COA1: variants seen among roughly 807,000 people sequenced by gnomAD.
COA1 encodes the protein cytochrome c oxidase assembly factor 1 homolog.
A neutral mutation model predicts 16.0 loss-of-function variants in COA1; 13 were observed. The observed-to-expected ratio is 0.81, with a 90% CI of 0.53 to 1.29. The LOEUF (loss-of-function observed/expected upper bound fraction) is 1.29, where lower values mean the gene tolerates loss of function less well. Ranked by LOEUF, COA1 falls within the 50% of genes most tolerant of loss-of-function variation. The probability of loss-of-function intolerance (pLI) is 0.00; values close to 1 mark genes in which losing one functional copy is unlikely to be tolerated. For synonymous variants in COA1, 65 were observed against 65.7 expected, an observed-to-expected ratio of 0.99 and a Z score of 0.05; for missense variants, 179 against 177.0, an observed-to-expected ratio of 1.01 and a Z score of -0.06.
chr7:43,698,130 A>G (rs1223620690), intron 1 of COA1, among the ~76,000 whole-genome samples: 1 of 152,256 alleles, frequency 6.6e-6, no homozygotes, highest in Non-Finnish European at 1.5e-5. Flanking sequence ...CAGAAACATT[A>G]AAGCATAACC....
intron 1 of COA1, among the ~76,000 whole-genome samples, chr7:43,715,037 A>C (rs1436005573): frequency 6.8e-6 from 1 of 147,886 alleles, no homozygotes; most frequent in Non-Finnish European, 1.5e-5. Context: ...AAAAAAGGAA[A>C]CATTTAATAC....
chr7:43,679,508 A>G lies in COA1; in HGVS notation c.-38-30856T>C, dbSNP rs73314278. Among the ~76,000 whole-genome samples the G allele has an allele frequency of 9.1e-3, 1,388 of 152,168 alleles. 19 individuals are homozygous for G. Among genetic ancestry groups the G allele is most frequent in the African/African-American group, 0.031 (1,303 of 41,514 alleles). ...TCTAATCTGAGATTCTCCTCACAAT[A>G]AACTGGAATCCTAAAGGGGCACATC... On this transcript the variant is annotated intron_variant, in intron 1 of 5. Transcript: ENST00000223336.
intron 6 of COA1, among the ~76,000 whole-genome samples, chr7:43,619,143 T>C (rs1425103679): frequency 6.6e-6 from 1 of 152,112 alleles, no homozygotes; most frequent in Non-Finnish European, 1.5e-5. Context: ...CAGACGGGAT[T>C]TGGTGGGTCT....
chr7:43,658,245 G>A (rs999095701), intron 1 of COA1, among the ~76,000 whole-genome samples: 2 of 151,616 alleles, frequency 1.3e-5, no homozygotes, highest in African/African-American at 4.9e-5. Flanking sequence ...GCATGGTGGC[G>A]GGCACCGGGA....
At chr7:43,664,358 C>T (rs2092736271) in intron 1 of COA1, among the ~76,000 whole-genome samples, 1 of 152,096 alleles carries the variant, frequency 6.6e-6, no homozygotes, top group East Asian at 1.9e-4. Flanking sequence ...CTTTTTTAGG[C>T]TAAATAATAC....
chr7:43,729,048 A>G (rs936759485), intron 1 of COA1, among the ~76,000 whole-genome samples: 2 of 152,242 alleles, frequency 1.3e-5, no homozygotes, highest in African/African-American at 4.8e-5. Flanking sequence ...CTTTCCTACA[A>G]TAATTTGGGC....
rs1311991240 is a variant in COA1 at position 43,612,024 on chromosome 7, A to G, written c.*134-2529T>C. On this transcript the variant is annotated intron_variant and NMD_transcript_variant, in intron 6 of 6. Coordinates refer to the COA1 transcript ENST00000415076. ...TCTTGAATACCAACTTTAAGTGTGT[A>G]TTTACACAAGGAAATTATATCCCTT... Among the ~76,000 whole-genome samples the G allele has an allele frequency of 2.0e-5, 3 of 152,226 alleles. No homozygotes were observed. The East Asian group carries it at 5.8e-4, about 29-fold the overall frequency.
chr7:43,663,666 C>CAAA (rs759423078), intron 1 of COA1, among the ~76,000 whole-genome samples: 129 of 70,434 alleles, frequency 1.8e-3, no homozygotes, highest in East Asian at 5.2e-3. Context: ...GACCCTATCT[C>CAAA]AAAAAAAAAA....
Position 43,648,713 on chromosome 7 carries a change from T to G in COA1, c.-38-61A>C. On this transcript the variant is annotated intron_variant, in intron 1 of 5. Coordinates refer to ENST00000223336, the MANE Select transcript of COA1 (RefSeq NM_018224.4). ...TTTTAAAGCCCAGTTCTCTCTAGTC[T>G]CATACAGCCAAGATTTATTACCAAC... 1.6e-6 allele frequency: 2 copies of G among 1,229,900 alleles called. 1 individual carries two copies. Among genetic ancestry groups the G allele is most frequent in the Non-Finnish European group, 2.3e-6 (2 of 856,586 alleles). The allele number at this position is 1,229,900 out of a possible 1,614,324, so 76.2% of individuals were successfully genotyped here.
chr7:43,635,141 C>T (rs767454584), downstream of COA1, among the ~76,000 whole-genome samples: 3 of 152,056 alleles, frequency 2.0e-5, no homozygotes, highest in African/African-American at 2.4e-5. Context: ...ATAAATATAA[C>T]TTTTATATAA....
chr7:43,691,268 A>AGAAAAGAAAAG (rs2094284644), intron 1 of COA1, among the ~76,000 whole-genome samples: 1 of 27,354 alleles, frequency 3.7e-5, no homozygotes, highest in Non-Finnish European at 7.1e-5. Flanking sequence ...AAGAAAGAAA[A>AGAAAAGAAAAG]GAAAGAAAGA....
In COA1 at chr7:43,693,782, C is replaced by A. The variant is rs184892091; in HGVS notation, c.-39+35647G>T. On this transcript the variant is annotated intron_variant, in intron 1 of 5. Transcript: ENST00000223336. Reference sequence around the variant, plus strand: ...CCAGGAACCCCAATCCTGGATAAATCCTACTCTCTACCTAATCCGAACAAG... The same window carrying A: ...CCAGGAACCCCAATCCTGGATAAATACTACTCTCTACCTAATCCGAACAAG... Among the ~76,000 whole-genome samples the A allele has an allele frequency of 5.9e-5, 9 of 152,152 alleles. No homozygotes were observed. In the East Asian group the frequency reaches 1.7e-3, roughly 29 times the overall value.
chr7:43,610,903 G>A (rs1007867018), intron 6 of COA1, among the ~76,000 whole-genome samples: 1 of 152,120 alleles, frequency 6.6e-6, no homozygotes, highest in Non-Finnish European at 1.5e-5. Context: ...GATCGCTTGA[G>A]GTCAGGAGTT....
chr7:43,637,299 G>A (rs1158501835), downstream of COA1, among the ~76,000 whole-genome samples: 2 of 152,192 alleles, frequency 1.3e-5, no homozygotes, highest in African/African-American at 2.4e-5. Context: ...AGGAACTTGT[G>A]GGTGGAGGCC....
At position 43,686,302 on chromosome 7, in the gene COA1, TTTC is replaced by T. The variant is rs546894416; in HGVS notation, c.-38-37653_-38-37651del. Among the ~76,000 whole-genome samples, 267 of 145,160 alleles carry T rather than the reference TTTC, an allele frequency of 1.8e-3. 1 individual carries two copies. Among genetic ancestry groups the T allele is most frequent in the African/African-American group, 6.3e-3 (252 of 40,024 alleles). On this transcript the variant is annotated intron_variant, in intron 1 of 5. Transcript: ENST00000223336. ...GTTCTGGCTATGTGTTCTGGCTTTG[TTTC>T]TTTTTTTTTTTTTTTTTTTGAGACG...
intron 1 of COA1, among the ~76,000 whole-genome samples, chr7:43,710,375 A>AAAATATAT (rs761592421): frequency 1.1e-4 from 4 of 36,446 alleles, no homozygotes; most frequent in Non-Finnish European, 1.9e-4. Context: ...AAAAAAAAAA[A>AAAATATAT]ATATATATAT....
chr7:43,653,790 C>T (rs370086198), intron 1 of COA1, among the ~76,000 whole-genome samples: 23 of 152,002 alleles, frequency 1.5e-4, no homozygotes, highest in African/African-American at 5.1e-4. Context: ...GCTACTCATC[C>T]CATGAAGACC....
intron 6 of COA1, among the ~76,000 whole-genome samples, chr7:43,610,823 A>AAGG (rs1415531578): frequency 6.6e-6 from 1 of 151,026 alleles, no homozygotes; most frequent in Non-Finnish European, 1.5e-5. Flanking sequence ...CACTCTCAAG[A>AAGG]AGGAGTGTAC....
At chr7:43,728,292 T>G (rs1175936572) in intron 1 of COA1, among the ~76,000 whole-genome samples, 1 of 152,214 alleles carries the variant, frequency 6.6e-6, no homozygotes, top group Admixed American at 6.5e-5. Context: ...AACTCTACGG[T>G]AGGTGAACTA....
Sources: gnomAD v4.1 joint callset for allele counts (sites outside exome capture counted in the v4.1 genomes callset) on GRCh38, gnomAD v4.1.1 for gene constraint, MANE v1.5 for transcripts, NCBI Gene and HGNC (gene_info 2026-07-23, HGNC 2026-07-21) for gene names.